The following FBXL17 variants were observed in gnomAD, a reference collection of about 807,000 sequenced individuals.
FBXL17 encodes the protein F-box and leucine rich repeat protein 17, also known as F-box/LRR-repeat protein 17.
A neutral mutation model predicts 66.2 loss-of-function variants in FBXL17; 22 were observed. That is an observed-to-expected ratio of 0.33 (90% confidence interval 0.24 to 0.47). The LOEUF (loss-of-function observed/expected upper bound fraction) is 0.47, where lower values mean the gene tolerates loss of function less well. Among genes scored for constraint, FBXL17 ranks in the 20% least tolerant of loss-of-function variants. The pLI is 1.00. For synonymous variants in FBXL17, 474 were observed against 400.5 expected (o/e 1.18, Z -2.19); for missense variants, 878 against 948.2 (o/e 0.93, Z 0.97).
At chr5:108,216,322 G>C (rs1754596983) in intron 5 of FBXL17, among the ~76,000 whole-genome samples, 1 of 151,998 alleles carries the variant, frequency 6.6e-6, no homozygotes, top group Non-Finnish European at 1.5e-5. Flanking sequence ...AAGATGAATA[G>C]TGGATGCCTT....
intron 6 of FBXL17, among the ~76,000 whole-genome samples, chr5:108,139,660 T>A (rs1448556402): frequency 1.3e-5 from 2 of 152,200 alleles, no homozygotes; most frequent in African/African-American, 4.8e-5. Flanking sequence ...ATCTCACAAT[T>A]TGATTGGCTT....
intron 6 of FBXL17, among the ~76,000 whole-genome samples, chr5:108,072,620 A>G (rs541214703): frequency 6.6e-6 from 1 of 152,318 alleles, no homozygotes; most frequent in East Asian, 1.9e-4. Context: ...AGGCAGGAGA[A>G]GGGCGTGAAC....
intron 5 of FBXL17, among the ~76,000 whole-genome samples, chr5:108,188,514 G>T (rs550038940): frequency 2.0e-5 from 3 of 152,186 alleles, no homozygotes; most frequent in African/African-American, 7.2e-5. Flanking sequence ...GTCAAGCAAA[G>T]AAATGGGTTC....
chr5:107,948,044 C>G (rs547049575), intron 7 of FBXL17, among the ~76,000 whole-genome samples: 1 of 152,122 alleles, frequency 6.6e-6, no homozygotes, highest in East Asian at 1.9e-4. Flanking sequence ...CGCCAACTTT[C>G]CTCATGGGAA....
chr5:108,006,953 ATTT>A (rs1013607049), intron 7 of FBXL17, among the ~76,000 whole-genome samples: 1 of 152,194 alleles, frequency 6.6e-6, no homozygotes, highest in Non-Finnish European at 1.5e-5. Context: ...ATTGCATGGA[ATTT>A]TGAAGACATC....
intron 7 of FBXL17, among the ~76,000 whole-genome samples, chr5:108,002,507 T>TCA (rs1296451272): frequency 3.3e-5 from 5 of 152,156 alleles, no homozygotes. Flanking sequence ...ATGATGCTTC[T>TCA]CAGTAATACT....
intron 4 of FBXL17, among the ~76,000 whole-genome samples, chr5:108,335,059 G>A (rs942391895): frequency 6.6e-6 from 1 of 152,160 alleles, no homozygotes; most frequent in Non-Finnish European, 1.5e-5. Flanking sequence ...AAATAATGTG[G>A]TGAATATATA....
chr5:108,307,619 T>C (rs1457809145), intron 4 of FBXL17, among the ~76,000 whole-genome samples: 5 of 152,082 alleles, frequency 3.3e-5, no homozygotes, highest in Non-Finnish European at 7.4e-5. Flanking sequence ...TATTTTTTTT[T>C]GTTGTATACC....
intron 3 of FBXL17, among the ~76,000 whole-genome samples, chr5:108,353,913 A>G (rs371053418): frequency 1.3e-5 from 2 of 152,348 alleles, no homozygotes; most frequent in African/African-American, 4.8e-5. Context: ...ATTTCCCAGT[A>G]TAGGTTGCGT....
At chr5:108,145,040 G>A (rs1751502928) in intron 6 of FBXL17, among the ~76,000 whole-genome samples, 2 of 151,966 alleles carry the variant, frequency 1.3e-5, no homozygotes, top group Non-Finnish European at 2.9e-5. Context: ...AGAAAAAATG[G>A]CATTAAGTAG....
chr5:108,298,444 A>C (rs1349123983), intron 4 of FBXL17: 8 of 972,534 alleles, frequency 8.2e-6, no homozygotes, highest in Non-Finnish European at 8.6e-6. Flanking sequence ...ATCTAAACAA[A>C]ACTTCAGTAG....
chr5:108,025,148 T>C (rs186524285), intron 6 of FBXL17, among the ~76,000 whole-genome samples: 1 of 152,098 alleles, frequency 6.6e-6, no homozygotes, highest in Admixed American at 6.5e-5. Context: ...GCAATAGGAG[T>C]GTCCTAGGAG....
intron 1 of FBXL17, among the ~76,000 whole-genome samples, chr5:108,376,879 G>A (rs1010888889): frequency 2.7e-5 from 4 of 149,698 alleles, no homozygotes; most frequent in South Asian, 2.1e-4. Context: ...CTCCACCCAC[G>A]GGTTCAAGCT....
At position 108,243,654 on chromosome 5, in the gene FBXL17, G is replaced by A. The variant is rs1228766970; in HGVS notation, c.1507-19426C>T. Among the ~76,000 whole-genome samples, 6 of 152,198 alleles carry A rather than the reference G, an allele frequency of 3.9e-5. No homozygotes were observed. The South Asian group carries it at 6.2e-4, about 16-fold the overall frequency. On this transcript the variant is annotated intron_variant, in intron 4 of 8. Coordinates refer to ENST00000542267, the MANE Select transcript of FBXL17 (RefSeq NM_001163315.3). ...AAGTAAAGAAACCTTCTTCCGTTTTGTCAAACTGTATTTCATTTCTAAATA... is the reference window on the plus strand; with the variant it reads ...AAGTAAAGAAACCTTCTTCCGTTTTATCAAACTGTATTTCATTTCTAAATA...
At chr5:108,258,454 A>T (rs116015617) in intron 4 of FBXL17, among the ~76,000 whole-genome samples, 6 of 152,124 alleles carry the variant, frequency 3.9e-5, no homozygotes, top group African/African-American at 1.2e-4. Flanking sequence ...CTACCCTTTC[A>T]TATGTTGGGG....
chr5:108,042,898 G>C (rs1053165472), intron 6 of FBXL17, among the ~76,000 whole-genome samples: 1 of 152,040 alleles, frequency 6.6e-6, no homozygotes, highest in Non-Finnish European at 1.5e-5. Context: ...AACAGCATTT[G>C]GTTTTGTGAC....
At chr5:108,378,146 G>C (rs377680981) in intron 1 of FBXL17, among the ~76,000 whole-genome samples, 16 of 151,270 alleles carry the variant, frequency 1.1e-4, no homozygotes, top group African/African-American at 3.9e-4. Context: ...CTATATAAAA[G>C]AGAAACATCC....
intron 6 of FBXL17, among the ~76,000 whole-genome samples, chr5:108,178,799 A>C (rs1424835023): frequency 6.6e-6 from 1 of 152,124 alleles, no homozygotes; most frequent in African/African-American, 2.4e-5. Flanking sequence ...TTTATTTCCA[A>C]GTTTTCAGGC....
intron 4 of FBXL17, among the ~76,000 whole-genome samples, chr5:108,228,655 G>C (rs900821895): frequency 6.6e-6 from 1 of 152,128 alleles, no homozygotes; most frequent in Non-Finnish European, 1.5e-5. Context: ...CCTTTCTTCT[G>C]TATTCCGATT....
Sources: gnomAD v4.1 joint callset for allele counts (sites outside exome capture counted in the v4.1 genomes callset) on GRCh38, gnomAD v4.1.1 for gene constraint, MANE v1.5 for transcripts, NCBI Gene and HGNC (gene_info 2026-07-23, HGNC 2026-07-21) for gene names.